CHRM3: variants seen among roughly 807,000 people sequenced by gnomAD.
The protein encoded by CHRM3 is muscarinic acetylcholine receptor M3.
CHRM3 carries 11 observed loss-of-function variants against 41.8 expected under a neutral mutation model. The ratio of observed to expected loss-of-function variants is 0.26; its 90% CI spans 0.17 to 0.44. The LOEUF is 0.44. CHRM3 is among the 20% of genes least tolerant of loss of function. The probability of loss-of-function intolerance (pLI) is 1.00; values close to 1 mark genes in which losing one functional copy is unlikely to be tolerated. For missense variants in CHRM3, 571 were observed against 745.4 expected (o/e 0.77, Z 2.72); for synonymous variants, 297 against 301.4 (o/e 0.99, Z 0.15).
At chr1:239,393,961 A>G (rs1445667866) in intron 1 of CHRM3, among the ~76,000 whole-genome samples, 1 of 152,130 alleles carries the variant, frequency 6.6e-6, no homozygotes, top group Non-Finnish European at 1.5e-5. Flanking sequence ...TAATCCACCT[A>G]TGTTCATTTA....
At chr1:239,522,040 C>A (rs80182406) in intron 2 of CHRM3, among the ~76,000 whole-genome samples, 1 of 148,220 alleles carries the variant, frequency 6.7e-6, no homozygotes, top group Non-Finnish European at 1.5e-5. Flanking sequence ...CTTTTCTTTT[C>A]TTTTTTGCCA....
At chr1:239,845,488 A>G (rs1397945811) in intron 6 of CHRM3, among the ~76,000 whole-genome samples, 1 of 152,184 alleles carries the variant, frequency 6.6e-6, no homozygotes, top group Non-Finnish European at 1.5e-5. Context: ...TGTCTCCAGA[A>G]GGCTCCACCA....
intron 1 of CHRM3, among the ~76,000 whole-genome samples, chr1:239,489,563 G>A (rs2148054268): frequency 6.6e-6 from 1 of 152,278 alleles, no homozygotes; most frequent in African/African-American, 2.4e-5. Context: ...TTAGGTAGAG[G>A]AACAGGATAG....
intron 5 of CHRM3, among the ~76,000 whole-genome samples, chr1:239,823,514 C>T (rs1672215665): frequency 6.6e-6 from 1 of 152,102 alleles, no homozygotes; most frequent in South Asian, 2.1e-4. Context: ...GCATTGGGAC[C>T]ATAATGCCTT....
intron 6 of CHRM3, among the ~76,000 whole-genome samples, chr1:239,855,567 A>G: frequency 6.6e-6 from 1 of 151,696 alleles, no homozygotes; most frequent in East Asian, 1.9e-4. Flanking sequence ...TTTTTTTTTC[A>G]CTCATACACA....
intron 4 of CHRM3, among the ~76,000 whole-genome samples, chr1:239,656,182 G>T (rs1254980255): frequency 6.6e-6 from 1 of 152,012 alleles, no homozygotes; most frequent in East Asian, 1.9e-4. Flanking sequence ...GGAAAGGGTT[G>T]AAAAATTACC....
intron 5 of CHRM3, among the ~76,000 whole-genome samples, chr1:239,762,126 T>G (rs488058): frequency 0.93 from 141,882 of 151,928 alleles, 67,002 homozygotes; most frequent in East Asian, 1. Flanking sequence ...GTTGAGGCAA[T>G]AGGGTAAATC....
chr1:239,590,358 T>A (rs1468597435), intron 3 of CHRM3, among the ~76,000 whole-genome samples: 2 of 152,222 alleles, frequency 1.3e-5, no homozygotes. Context: ...ATGATTCATG[T>A]CCTTAGAGAC....
chr1:239,499,590 G>T (rs1443989706), intron 2 of CHRM3, among the ~76,000 whole-genome samples: 1 of 152,108 alleles, frequency 6.6e-6, no homozygotes, highest in Non-Finnish European at 1.5e-5. Flanking sequence ...CATCCCATGT[G>T]CTCTTCTTGA....
intron 6 of CHRM3, among the ~76,000 whole-genome samples, chr1:239,904,784 C>G (rs1317946733): frequency 1.3e-5 from 2 of 152,086 alleles, no homozygotes; most frequent in East Asian, 3.9e-4. Flanking sequence ...TTAGATTATA[C>G]AGAATATTTT....
At chr1:239,839,688 C>T (rs1178488230) in intron 6 of CHRM3, among the ~76,000 whole-genome samples, 2 of 151,608 alleles carry the variant, frequency 1.3e-5, no homozygotes, top group East Asian at 3.9e-4. Flanking sequence ...CAAGAGTCCA[C>T]TTATTCATAT....
intron 5 of CHRM3, among the ~76,000 whole-genome samples, chr1:239,809,845 C>T (rs1340573422): frequency 1.3e-5 from 2 of 152,142 alleles, no homozygotes; most frequent in African/African-American, 4.8e-5. Flanking sequence ...TCCTTTTGTC[C>T]TTTCCACTGA....
chr1:239,454,616 T>G (rs1664788907), intron 1 of CHRM3, among the ~76,000 whole-genome samples: 1 of 152,064 alleles, frequency 6.6e-6, no homozygotes, highest in South Asian at 2.1e-4. Context: ...AATCACACAC[T>G]GGGGCACCCT....
intron 2 of CHRM3, among the ~76,000 whole-genome samples, chr1:239,532,113 C>T (rs1657652455): frequency 7.3e-6 from 1 of 136,200 alleles, no homozygotes; most frequent in Admixed American, 7.5e-5. Flanking sequence ...CCCGGGTTCA[C>T]ACCATTCTCC....
At chr1:239,876,630 A>G (rs1677132314) in intron 6 of CHRM3, among the ~76,000 whole-genome samples, 1 of 152,194 alleles carries the variant, frequency 6.6e-6, no homozygotes, top group South Asian at 2.1e-4. Context: ...GGATGCACTG[A>G]CTGCCGTTCA....
At chr1:239,728,443 C>T (rs1663648879) in intron 5 of CHRM3, among the ~76,000 whole-genome samples, 2 of 151,938 alleles carry the variant, frequency 1.3e-5, no homozygotes, top group Non-Finnish European at 2.9e-5. Context: ...CATGTCCATC[C>T]ATCAATATTC....
intron 5 of CHRM3, among the ~76,000 whole-genome samples, chr1:239,706,703 C>A (rs997156427): frequency 6.6e-6 from 1 of 151,164 alleles, no homozygotes; most frequent in Admixed American, 6.6e-5. Context: ...CCCACACACA[C>A]GTGTGCATGT....
At chr1:239,478,902 G>A (rs1238108526) in intron 1 of CHRM3, among the ~76,000 whole-genome samples, 1 of 151,946 alleles carries the variant, frequency 6.6e-6, no homozygotes, top group Non-Finnish European at 1.5e-5. Flanking sequence ...GAGACAGCAG[G>A]CCAGGCATGC....
chr1:239,824,011 C>T (rs1468532136), intron 5 of CHRM3, among the ~76,000 whole-genome samples: 2 of 151,954 alleles, frequency 1.3e-5, no homozygotes, highest in East Asian at 1.9e-4. Flanking sequence ...CAGGGTTCCC[C>T]GTGTGCCTGT....
Sources: gnomAD v4.1 joint callset for allele counts (sites outside exome capture counted in the v4.1 genomes callset) on GRCh38, gnomAD v4.1.1 for gene constraint, MANE v1.5 for transcripts, NCBI Gene and HGNC (gene_info 2026-07-23, HGNC 2026-07-21) for gene names.